The following CWC27 variants were observed in gnomAD, a reference collection of about 807,000 sequenced individuals.
The protein encoded by CWC27 is CWC27 spliceosome associated cyclophilin.
Under a neutral mutation model 63.6 loss-of-function variants are expected in CWC27, and 47 were observed. The ratio of observed to expected loss-of-function variants is 0.74; its 90% CI spans 0.58 to 0.94. CWC27 has a LOEUF of 0.94. CWC27 is among the 40% of genes least tolerant of loss of function. The pLI is 0.00. For synonymous variants in CWC27, 175 were observed against 179.8 expected (o/e 0.97, Z 0.22); for missense variants, 495 against 554.3 (o/e 0.89, Z 1.07).
chr5:64,771,854 G>C (rs1743268507), intron 1 of CWC27, among the ~76,000 whole-genome samples: 1 of 152,162 alleles, frequency 6.6e-6, no homozygotes, highest in African/African-American at 2.4e-5. Flanking sequence ...TTAATGAAAA[G>C]ATTAAGAAAC....
At chr5:64,962,697 A>G (rs981115158) in intron 11 of CWC27, among the ~76,000 whole-genome samples, 6 of 152,196 alleles carry the variant, frequency 3.9e-5, no homozygotes, top group Non-Finnish European at 8.8e-5. Flanking sequence ...ATGGGAAAAA[A>G]TGGCTCTGGA....
chr5:64,934,775 AC>A (rs1486404637), intron 11 of CWC27, among the ~76,000 whole-genome samples: 2 of 152,116 alleles, frequency 1.3e-5, no homozygotes, highest in South Asian at 4.1e-4. Context: ...TTGTTTCCTG[AC>A]TTTTTAATCA....
Position 64,807,968 on chromosome 5 carries a change from T to C in CWC27, c.938+3582T>C, listed in dbSNP as rs1324964957. On this transcript the variant is annotated intron_variant, in intron 10 of 13. Transcript: ENST00000381070. ...ACCACTCCACTGAAACTACTTCCAC[T>C]AAGGCCATCTAGTTGATAATCGACT... The C allele has an allele frequency of 4.9e-6, 7 of 1,418,040 alleles. No individual in the cohort carries two copies. In the East Asian group the frequency reaches 1.3e-4, roughly 26 times the overall value. The allele number at this position is 1,418,040 out of a possible 1,614,324, so 87.8% of individuals were successfully genotyped here. A position where few individuals can be genotyped will look rare whatever the true frequency, so the allele number is the denominator to read the frequency against.
rs576857404 is a variant in CWC27, at chr5:64,912,933, C to T, written c.1042+27387C>T. ...TTTGTTATTCGGTTTATGAAGCCAA[C>T]ATAATCTTGATAATAAAACCTGGTA... On this transcript the variant is annotated intron_variant, in intron 11 of 13. Coordinates refer to ENST00000381070, the MANE Select transcript of CWC27 (RefSeq NM_005869.4). Among the ~76,000 whole-genome samples the T allele has an allele frequency of 5.3e-5, 8 of 152,208 alleles. No homozygotes were observed. In the East Asian group the frequency reaches 1.2e-3, roughly 22 times the overall value.
chr5:64,971,018 T>C (rs1749116518), intron 11 of CWC27, among the ~76,000 whole-genome samples: 1 of 150,944 alleles, frequency 6.6e-6, no homozygotes, highest in Admixed American at 6.6e-5. Flanking sequence ...ACAAATTTCA[T>C]TGATATTTAC....
intron 10 of CWC27, among the ~76,000 whole-genome samples, chr5:64,828,018 A>G (rs1324990286): frequency 6.6e-6 from 1 of 152,094 alleles, no homozygotes; most frequent in Non-Finnish European, 1.5e-5. Flanking sequence ...CATAGTATAT[A>G]TGGGGTTTTA....
At chr5:64,938,800 G>T (rs531498445) in intron 11 of CWC27, among the ~76,000 whole-genome samples, 17 of 149,882 alleles carry the variant, frequency 1.1e-4, no homozygotes, top group African/African-American at 3.9e-4. Flanking sequence ...GGCTTTGTTC[G>T]TTCCTTTGCA....
chr5:64,774,790 A>AAATTCTGAC lies in CWC27; in HGVS notation c.139+3_139+4insAATTCTGAC. 1 of 1,552,374 alleles carries AAATTCTGAC rather than the reference A, an allele frequency of 6.4e-7. No homozygotes were observed. Among genetic ancestry groups the AAATTCTGAC allele is most frequent in the Non-Finnish European group, 8.8e-7 (1 of 1,133,146 alleles). ...TTTTATCCAACTTTGTTTGGAAGGT[A>AAATTCTGAC]TGTTGACTTTTATTCTACTGGAGAA... is the stretch of plus-strand genomic sequence containing the variant. On this transcript the variant is annotated splice_donor_region_variant and intron_variant, in intron 2 of 13. Transcript: ENST00000381070.
rs564667714 is a variant in CWC27 at position 64,877,285 on chromosome 5, C to T, written c.939-8158C>T. Reference sequence around the variant, plus strand: ...GCAACGTGGAAGGAACAAGAGGTCACTGTGTTAAGTGAAATAAGCCAAGCA... The same window carrying T: ...GCAACGTGGAAGGAACAAGAGGTCATTGTGTTAAGTGAAATAAGCCAAGCA... On this transcript the variant is annotated intron_variant, in intron 10 of 13. Transcript: ENST00000381070. Among the ~76,000 whole-genome samples, 3 of 152,060 alleles carry T rather than the reference C, an allele frequency of 2.0e-5. No individual in the cohort carries two copies. In the South Asian group the frequency reaches 6.2e-4, roughly 32 times the overall value.
rs1280202366 is a variant in CWC27 at position 64,779,486 on chromosome 5, TCTTTC to T, written c.140-2431_140-2427del. Among the ~76,000 whole-genome samples the T allele has an allele frequency of 3.3e-5, 5 of 152,246 alleles. No individual in the cohort carries two copies. The South Asian group carries it at 1.0e-3, about 31-fold the overall frequency. On this transcript the variant is annotated intron_variant, in intron 2 of 13. Coordinates refer to ENST00000381070, the MANE Select transcript of CWC27 (RefSeq NM_005869.4). ...GAACTAATTTCAGTGATGTAAAATT[TCTTTC>T]CTTCCACCTAACGGATTTTTTGAAA... is the stretch of plus-strand genomic sequence containing the variant.
intron 10 of CWC27, among the ~76,000 whole-genome samples, chr5:64,832,229 A>G (rs1003747456): frequency 6.6e-6 from 1 of 151,678 alleles, no homozygotes; most frequent in African/African-American, 2.4e-5. Flanking sequence ...AGTTATGCAG[A>G]TCTTCCAAAT....
At chr5:64,863,956 T>C (rs1290174044) in intron 10 of CWC27, among the ~76,000 whole-genome samples, 1 of 152,216 alleles carries the variant, frequency 6.6e-6, no homozygotes, top group South Asian at 2.1e-4. Flanking sequence ...AAAATAATTA[T>C]TTTCTGTCGT....
At chr5:64,821,916 G>A (rs1315000186) in intron 10 of CWC27, among the ~76,000 whole-genome samples, 1 of 152,200 alleles carries the variant, frequency 6.6e-6, no homozygotes, top group African/African-American at 2.4e-5. Flanking sequence ...CAAGGGGATA[G>A]GTGAGAGTTT....
intron 10 of CWC27, among the ~76,000 whole-genome samples, chr5:64,835,694 A>G (rs1193795760): frequency 6.6e-6 from 1 of 151,772 alleles, no homozygotes; most frequent in Non-Finnish European, 1.5e-5. Context: ...TCTTTTAACA[A>G]TGTATTTTTT....
At chr5:64,789,872 A>T (rs556892428) in intron 7 of CWC27, among the ~76,000 whole-genome samples, 2 of 152,282 alleles carry the variant, frequency 1.3e-5, no homozygotes, top group East Asian at 3.9e-4. Context: ...TATAACCTAT[A>T]AGCCTTACTT....
At chr5:64,964,226 T>C (rs1748972714) in intron 11 of CWC27, among the ~76,000 whole-genome samples, 1 of 152,224 alleles carries the variant, frequency 6.6e-6, no homozygotes, top group South Asian at 2.1e-4. Flanking sequence ...GGAATTTATG[T>C]GAACACCTTC....
intron 5 of CWC27, 126 bp from the exon 6 acceptor site, chr5:64,786,398 C>T: frequency 3.9e-6 from 2 of 516,870 alleles, no homozygotes; most frequent in Non-Finnish European, 6.8e-6. Context: ...AAATATATAT[C>T]ACTATACTAA....
At chr5:64,862,844 T>C (rs1042024995) in intron 10 of CWC27, among the ~76,000 whole-genome samples, 8 of 152,194 alleles carry the variant, frequency 5.3e-5, no homozygotes, top group Non-Finnish European at 8.8e-5. Flanking sequence ...TTAGCAGATT[T>C]GGTGTCTCGT....
intron 11 of CWC27, among the ~76,000 whole-genome samples, chr5:64,967,087 C>G (rs1749029833): frequency 6.6e-6 from 1 of 151,928 alleles, no homozygotes; most frequent in African/African-American, 2.4e-5. Flanking sequence ...TTTCTATTTG[C>G]TATTTCATGT....
Sources: allele counts gnomAD v4.1 joint callset (sites outside exome capture counted in the v4.1 genomes callset), GRCh38; gene constraint gnomAD v4.1.1; transcripts MANE v1.5; gene names NCBI Gene and HGNC (gene_info 2026-07-23, HGNC 2026-07-21).